PTPRG: variants seen among roughly 807,000 people sequenced by gnomAD.
PTPRG encodes the protein receptor-type tyrosine-protein phosphatase gamma.
A neutral mutation model predicts 165.3 loss-of-function variants in PTPRG; 102 were observed. That is an observed-to-expected ratio of 0.62 (90% CI 0.53 to 0.73). The LOEUF is 0.73. Ranked by LOEUF, PTPRG falls within the 30% of genes least tolerant of loss-of-function variation. The pLI, the probability that PTPRG is intolerant of heterozygous loss-of-function variation, is 0.00. For missense variants in PTPRG, 1,866 were observed against 1,861.4 expected (o/e 1.00, Z -0.05); for synonymous variants, 675 against 669.5 (o/e 1.01, Z -0.13).
At chr3:62,037,187 G>C (rs900324837) in intron 4 of PTPRG, among the ~76,000 whole-genome samples, 1 of 152,210 alleles carries the variant, frequency 6.6e-6, no homozygotes, top group Admixed American at 6.5e-5. Flanking sequence ...CACACAGCTA[G>C]TTCAGTGATA....
chr3:61,776,469 A>G (rs2034386123), intron 2 of PTPRG, among the ~76,000 whole-genome samples: 1 of 152,058 alleles, frequency 6.6e-6, no homozygotes, highest in Non-Finnish European at 1.5e-5. Flanking sequence ...TATGGTAAGA[A>G]CCCGTTTGTG....
intron 2 of PTPRG, among the ~76,000 whole-genome samples, chr3:61,867,804 G>A (rs2037452274): frequency 6.6e-6 from 1 of 152,170 alleles, no homozygotes; most frequent in African/African-American, 2.4e-5. Flanking sequence ...ACTCAAAATT[G>A]AGTTTGCAGA....
chr3:61,619,761 A>C (rs1701398032), intron 1 of PTPRG, among the ~76,000 whole-genome samples: 1 of 152,190 alleles, frequency 6.6e-6, no homozygotes, highest in African/African-American at 2.4e-5. Flanking sequence ...CATAGCAGGT[A>C]ACTGGTATTG....
chr3:61,744,278 G>A (rs2033112161), intron 1 of PTPRG, among the ~76,000 whole-genome samples: 1 of 152,188 alleles, frequency 6.6e-6, no homozygotes, highest in South Asian at 2.1e-4. Flanking sequence ...AGGACTTAAA[G>A]TGTTGTCTTA....
Position 61,663,552 on chromosome 3 carries a change from C to T in PTPRG, c.86-85326C>T, listed in dbSNP as rs189406177. 3.6e-3 allele frequency among the ~76,000 whole-genome samples: 544 copies of T among 151,988 alleles called. 4 individuals carry two copies. The highest frequency in any genetic ancestry group is 6.2e-3 in the Non-Finnish European group (423 of 67,964). ...TGTGGAAGACAATTTTTCCATGGAC[C>T]GGGGGTTGGGGGGATGGTTTTGGGA... On this transcript the variant is annotated intron_variant, in intron 1 of 29. Transcript: ENST00000474889.
At chr3:61,818,856 AG>A (rs2035870639) in intron 2 of PTPRG, among the ~76,000 whole-genome samples, 1 of 91,962 alleles carries the variant, frequency 1.1e-5, no homozygotes, top group South Asian at 4.3e-4. Flanking sequence ...ATAGTGAAAT[AG>A]TGAATAGTGA....
At chr3:62,089,383 A>G (rs143151516) in intron 5 of PTPRG, among the ~76,000 whole-genome samples, 18 of 152,316 alleles carry the variant, frequency 1.2e-4, no homozygotes, top group Non-Finnish European at 2.1e-4. Flanking sequence ...TTTTCTGTTA[A>G]CATCTTGATC....
intron 1 of PTPRG, among the ~76,000 whole-genome samples, chr3:61,699,809 G>A (rs1038314278): frequency 1.7e-4 from 26 of 152,142 alleles, no homozygotes; most frequent in Admixed American, 6.5e-4. Flanking sequence ...TTCAGAGCAG[G>A]AAAATGCCTG....
At chr3:62,120,102 T>G (rs972808606) in intron 5 of PTPRG, among the ~76,000 whole-genome samples, 8 of 150,168 alleles carry the variant, frequency 5.3e-5, no homozygotes, top group South Asian at 2.1e-4. Context: ...GTTTTTTGGG[T>G]TTTTTTTTAA....
At chr3:61,856,578 TCCC>T (rs2037112305) in intron 2 of PTPRG, among the ~76,000 whole-genome samples, 1 of 152,170 alleles carries the variant, frequency 6.6e-6, no homozygotes, top group Admixed American at 6.5e-5. Context: ...ACAAGTGTAT[TCCC>T]GTATTTTGAT....
At chr3:61,673,616 C>T (rs951246497) in intron 1 of PTPRG, among the ~76,000 whole-genome samples, 1 of 152,170 alleles carries the variant, frequency 6.6e-6, no homozygotes, top group African/African-American at 2.4e-5. Context: ...TTGTATAAAT[C>T]TATGCAAGTA....
chr3:62,192,855 A>T (rs1052094732), intron 9 of PTPRG, among the ~76,000 whole-genome samples: 1 of 152,216 alleles, frequency 6.6e-6, no homozygotes, highest in African/African-American at 2.4e-5. Flanking sequence ...CAGTAGCACC[A>T]AGTGGGATTC....
At chr3:62,292,672 A>T (rs144703613) in intron 29 of PTPRG, 116 bp downstream of exon 29, 6 of 1,235,416 alleles carry the variant, frequency 4.9e-6, no homozygotes, top group Non-Finnish European at 6.7e-6. Context: ...ACATTTGGCC[A>T]TGTCTGGAGA....
intron 1 of PTPRG, among the ~76,000 whole-genome samples, chr3:61,729,236 T>C (rs1392457246): frequency 1.3e-5 from 2 of 152,136 alleles, no homozygotes; most frequent in Admixed American, 6.5e-5. Context: ...TTGCACTAAG[T>C]GAAGATGGCC....
intron 5 of PTPRG, among the ~76,000 whole-genome samples, chr3:62,115,600 A>G (rs1388804137): frequency 6.6e-6 from 1 of 152,198 alleles, no homozygotes; most frequent in Non-Finnish European, 1.5e-5. Context: ...TATAGAGTAT[A>G]ACTGTGTCAG....
intron 2 of PTPRG, among the ~76,000 whole-genome samples, chr3:61,980,037 T>C (rs2040603603): frequency 6.6e-6 from 1 of 152,196 alleles, no homozygotes; most frequent in Admixed American, 6.5e-5. Flanking sequence ...TTTTCCCTTT[T>C]CCTACTTGTG....
At position 61,943,819 on chromosome 3, in the gene PTPRG, G is replaced by A. The variant is rs554021214; in HGVS notation, c.191-45806G>A. On this transcript the variant is annotated intron_variant, in intron 2 of 29. Transcript: ENST00000474889. Reference sequence around the variant, plus strand: ...AAATGGCAGGGCCTATGCTCCCAGAGGATTGGATAACTGCTGCTTAACTAA... The same window carrying A: ...AAATGGCAGGGCCTATGCTCCCAGAAGATTGGATAACTGCTGCTTAACTAA... Among the ~76,000 whole-genome samples the A allele has an allele frequency of 2.0e-5, 3 of 152,222 alleles. No individual in the cohort carries two copies. In the South Asian group the frequency reaches 6.2e-4, roughly 32 times the overall value.
chr3:62,026,588 T>A (rs1278466224), intron 4 of PTPRG, among the ~76,000 whole-genome samples: 1 of 152,146 alleles, frequency 6.6e-6, no homozygotes, highest in African/African-American at 2.4e-5. Context: ...TTTCTCACCT[T>A]AAAAGCATGT....
At chr3:61,775,938 G>T (rs1575654589) in intron 2 of PTPRG, among the ~76,000 whole-genome samples, 1 of 139,274 alleles carries the variant, frequency 7.2e-6, no homozygotes, top group South Asian at 2.6e-4. Flanking sequence ...GGGGTAGGGG[G>T]AGGGGGGAGG....
Sources: allele counts gnomAD v4.1 joint callset (sites outside exome capture counted in the v4.1 genomes callset), GRCh38; gene constraint gnomAD v4.1.1; transcripts MANE v1.5; gene names NCBI Gene and HGNC (gene_info 2026-07-23, HGNC 2026-07-21).